Variants in AGBL4 observed in about 807,000 individuals in gnomAD.
AGBL4 encodes cytosolic carboxypeptidase 6.
A neutral mutation model predicts 66.4 loss-of-function variants in AGBL4; 58 were observed. That is an observed-to-expected ratio of 0.87 (90% CI 0.71 to 1.09). The LOEUF is 1.09. AGBL4 is among the 50% of genes least tolerant of loss of function. AGBL4 has a pLI of 0.00. For missense variants in AGBL4, 579 were observed against 631.0 expected, an observed-to-expected ratio of 0.92 and a Z score of 0.88; for synonymous variants, 234 against 222.9, an observed-to-expected ratio of 1.05 and a Z score of -0.44.
At chr1:49,393,053 G>A (rs1249479149) in intron 3 of AGBL4, among the ~76,000 whole-genome samples, 1 of 152,106 alleles carries the variant, frequency 6.6e-6, no homozygotes, top group African/African-American at 2.4e-5. Context: ...TCACCTCTGG[G>A]AAACAAAGAA....
At chr1:49,128,076 G>A (rs1028098461) in intron 4 of AGBL4, among the ~76,000 whole-genome samples, 1 of 151,730 alleles carries the variant, frequency 6.6e-6, no homozygotes, top group Non-Finnish European at 1.5e-5. Flanking sequence ...AATTATGTCA[G>A]GTATTTAAAG....
chr1:49,517,961 C>T (rs1315921479), intron 3 of AGBL4, among the ~76,000 whole-genome samples: 1 of 151,980 alleles, frequency 6.6e-6, no homozygotes, highest in East Asian at 1.9e-4. Context: ...CCTACCTTTG[C>T]TATTGTACCC....
At chr1:49,872,113 T>C (rs1297881449) in intron 1 of AGBL4, among the ~76,000 whole-genome samples, 3 of 152,068 alleles carry the variant, frequency 2.0e-5, no homozygotes, top group Non-Finnish European at 4.4e-5. Flanking sequence ...ATTTTTTTTG[T>C]TTATAGTATT....
At chr1:48,561,799 G>T (rs1644400859) in intron 11 of AGBL4, among the ~76,000 whole-genome samples, 1 of 152,140 alleles carries the variant, frequency 6.6e-6, no homozygotes, top group Non-Finnish European at 1.5e-5. Context: ...ATTGGAACTT[G>T]CGCCATCAGC....
At chr1:49,156,043 G>A (rs1219366473) in intron 4 of AGBL4, among the ~76,000 whole-genome samples, 2 of 152,192 alleles carry the variant, frequency 1.3e-5, no homozygotes, top group Admixed American at 1.3e-4. Flanking sequence ...CCAACTAAGT[G>A]TCAGGCCCTA....
intron 1 of AGBL4, among the ~76,000 whole-genome samples, chr1:49,960,421 G>A (rs1181391214): frequency 1.3e-5 from 2 of 151,944 alleles, no homozygotes; most frequent in African/African-American, 4.8e-5. Flanking sequence ...GGTAAGGGTA[G>A]GGAGAAGGGG....
intron 9 of AGBL4, 28 bp from the exon 10 acceptor site, chr1:48,591,013 A>G: frequency 1.9e-6 from 3 of 1,589,984 alleles, no homozygotes; most frequent in Non-Finnish European, 2.6e-6. Flanking sequence ...AACAAATGAG[A>G]AGTCTGGGCT....
At chr1:49,819,696 C>T (rs1042982326) in intron 2 of AGBL4, among the ~76,000 whole-genome samples, 4 of 152,168 alleles carry the variant, frequency 2.6e-5, no homozygotes, top group African/African-American at 7.2e-5. Context: ...TATTTCCCTG[C>T]CTCCCACCCA....
intron 3 of AGBL4, among the ~76,000 whole-genome samples, chr1:49,459,026 TTCC>T (rs1257885120): frequency 6.6e-6 from 1 of 151,616 alleles, no homozygotes; most frequent in Admixed American, 6.6e-5. Flanking sequence ...CCTTCCTTCC[TTCC>T]TCTTTTCTTT....
At chr1:48,676,551 A>C (rs1422352686) in intron 6 of AGBL4, among the ~76,000 whole-genome samples, 2 of 152,240 alleles carry the variant, frequency 1.3e-5, no homozygotes, top group African/African-American at 4.8e-5. Flanking sequence ...AGTGCCTGCC[A>C]CATAGGAAAT....
chr1:49,028,928 A>T, intron 5 of AGBL4, among the ~76,000 whole-genome samples: 1 of 152,184 alleles, frequency 6.6e-6, no homozygotes, highest in East Asian at 1.9e-4. Context: ...AATCAACATA[A>T]TATACAATTT....
At chr1:48,796,325 G>A (rs7548503) in intron 6 of AGBL4, among the ~76,000 whole-genome samples, 10,545 of 152,278 alleles carry the variant, frequency 0.069, 472 homozygotes, top group East Asian at 0.16. Context: ...TGAAGGCAGA[G>A]GTTATGTGTG....
intron 6 of AGBL4, among the ~76,000 whole-genome samples, chr1:48,708,842 C>A (rs993040321): frequency 6.6e-6 from 1 of 152,202 alleles, no homozygotes; most frequent in African/African-American, 2.4e-5. Context: ...CCTTGGCCTC[C>A]CTGTCTGGGA....
chr1:48,754,330 A>G (rs933506403), intron 6 of AGBL4, among the ~76,000 whole-genome samples: 5 of 152,156 alleles, frequency 3.3e-5, no homozygotes, highest in African/African-American at 1.2e-4. Context: ...ACCCGGTTTA[A>G]ACACACCATT....
At chr1:48,865,545 G>A (rs943270543) in intron 6 of AGBL4, among the ~76,000 whole-genome samples, 42 of 151,972 alleles carry the variant, frequency 2.8e-4, no homozygotes, top group African/African-American at 9.4e-4. Flanking sequence ...CAAAACTCCG[G>A]CAGTGCTGAT....
chr1:48,574,689 C>T (rs1644622437), intron 11 of AGBL4, among the ~76,000 whole-genome samples: 1 of 152,092 alleles, frequency 6.6e-6, no homozygotes, highest in Admixed American at 6.5e-5. Context: ...AGCCACAACT[C>T]CCACCTCCTG....
intron 1 of AGBL4, among the ~76,000 whole-genome samples, chr1:50,003,947 G>T (rs1487228440): frequency 6.6e-6 from 1 of 152,080 alleles, no homozygotes; most frequent in Non-Finnish European, 1.5e-5. Context: ...ACACAAAAAA[G>T]CACCTTAATA....
intron 5 of AGBL4, among the ~76,000 whole-genome samples, chr1:48,941,935 G>A (rs949144363): frequency 6.6e-6 from 1 of 152,164 alleles, no homozygotes; most frequent in African/African-American, 2.4e-5. Context: ...GGCCAGAAGG[G>A]CCCAAGTCTC....
At chr1:48,797,646 G>C (rs921816010) in intron 6 of AGBL4, among the ~76,000 whole-genome samples, 2 of 152,010 alleles carry the variant, frequency 1.3e-5, no homozygotes, top group African/African-American at 2.4e-5. Context: ...TGCCCAGGCT[G>C]GAGTACAGTG....
Sources: gnomAD v4.1 joint callset for allele counts (sites outside exome capture counted in the v4.1 genomes callset) on GRCh38, gnomAD v4.1.1 for gene constraint, MANE v1.5 for transcripts, NCBI Gene and HGNC (gene_info 2026-07-23, HGNC 2026-07-21) for gene names.